GPC6: variants seen among roughly 807,000 people sequenced by gnomAD.
The protein encoded by GPC6 is glypican-6.
In GPC6, 14 loss-of-function variants were observed where a neutral mutation model predicts 55.2. That is an observed-to-expected ratio of 0.25 (90% CI 0.17 to 0.40). GPC6 has a LOEUF of 0.40. GPC6 is among the 10% of genes least tolerant of loss of function. The pLI, the probability that GPC6 is intolerant of heterozygous loss-of-function variation, is 1.00. For missense variants in GPC6, 641 were observed against 708.5 expected (o/e 0.90, Z 1.08); for synonymous variants, 278 against 259.6 (o/e 1.07, Z -0.68).
chr13:94,194,557 T>A (rs1267021259), intron 4 of GPC6, among the ~76,000 whole-genome samples: 1 of 152,078 alleles, frequency 6.6e-6, no homozygotes, highest in African/African-American at 2.4e-5. Flanking sequence ...GCTATGAGGA[T>A]GCAAAGGCAT....
intron 1 of GPC6, among the ~76,000 whole-genome samples, chr13:93,478,149 T>C (rs1383194107): frequency 6.6e-6 from 1 of 152,176 alleles, no homozygotes; most frequent in African/African-American, 2.4e-5. Context: ...CTAGAAATCA[T>C]AGAACAAACT....
rs113960703 is a variant in GPC6 at position 93,241,023 on chromosome 13, AT to A, written c.160+13411del. Among the ~76,000 whole-genome samples the A allele has an allele frequency of 7.8e-3, 1,190 of 152,190 alleles. 10 individuals are homozygous for A. Among genetic ancestry groups the A allele is most frequent in the African/African-American group, 0.027 (1,119 of 41,548 alleles). On this transcript the variant is annotated intron_variant, in intron 1 of 8. Coordinates refer to ENST00000377047, the MANE Select transcript of GPC6 (RefSeq NM_005708.5). ...GGGAAGTCTGCCATTAGTCTGACAGATTTTCCTTTATAAGTTTTGATGCCTT... is the reference window on the plus strand; with the variant it reads ...GGGAAGTCTGCCATTAGTCTGACAGATTTCCTTTATAAGTTTTGATGCCTT...
intron 1 of GPC6, among the ~76,000 whole-genome samples, chr13:93,524,758 T>C (rs1881583370): frequency 6.6e-6 from 1 of 152,104 alleles, no homozygotes; most frequent in Admixed American, 6.6e-5. Flanking sequence ...TGAAATGTAG[T>C]TGGGCTGATG....
chr13:93,626,801 CAAAA>C (rs57272841), intron 2 of GPC6, among the ~76,000 whole-genome samples: 2 of 67,502 alleles, frequency 3.0e-5, no homozygotes. Context: ...GACTGCATCT[CAAAA>C]AAAAAAAAAA....
chr13:94,303,121 C>T (rs1044624824), intron 5 of GPC6, among the ~76,000 whole-genome samples: 3 of 152,138 alleles, frequency 2.0e-5, no homozygotes, highest in African/African-American at 7.2e-5. Flanking sequence ...CAGCTCCAGC[C>T]GTAACAAACA....
intron 3 of GPC6, among the ~76,000 whole-genome samples, chr13:93,896,583 A>G (rs1185968735): frequency 1.3e-5 from 2 of 152,096 alleles, no homozygotes; most frequent in Non-Finnish European, 2.9e-5. Context: ...TAATACGTAA[A>G]TGTTATATTT....
intron 3 of GPC6, among the ~76,000 whole-genome samples, chr13:94,017,979 A>G (rs1253545358): frequency 6.6e-6 from 1 of 152,154 alleles, no homozygotes; most frequent in Non-Finnish European, 1.5e-5. Flanking sequence ...AGCAGTGATG[A>G]AAGCAAGCTT....
chr13:93,294,983 A>G (rs1330260612), intron 1 of GPC6, among the ~76,000 whole-genome samples: 1 of 151,598 alleles, frequency 6.6e-6, no homozygotes, highest in African/African-American at 2.4e-5. Context: ...ATAGAAAAAA[A>G]TTTTAGGTCT....
At position 93,974,614 on chromosome 13, in the gene GPC6, TAAAC is replaced by T. The variant is rs536917762; in HGVS notation, c.712-53112_712-53109del. 3.6e-3 allele frequency among the ~76,000 whole-genome samples: 549 copies of T among 152,292 alleles called. 4 individuals are homozygous for T. The highest frequency in any genetic ancestry group is 6.4e-3 in the Non-Finnish European group (436 of 68,002). ...CTATTTTATTTTTTAATAGAAAAGA[TAAAC>T]AACCTCCTGTAATTAATAGGACGTT... is the stretch of plus-strand genomic sequence containing the variant. On this transcript the variant is annotated intron_variant, in intron 3 of 8. Coordinates refer to ENST00000377047, the MANE Select transcript of GPC6 (RefSeq NM_005708.5).
intron 1 of GPC6, among the ~76,000 whole-genome samples, chr13:93,434,780 C>T (rs1237455679): frequency 6.6e-6 from 1 of 152,154 alleles, no homozygotes; most frequent in Non-Finnish European, 1.5e-5. Context: ...GATCTCAGCT[C>T]ACTGCAATCC....
chr13:93,842,346 A>G (rs937305295), intron 3 of GPC6, among the ~76,000 whole-genome samples: 5 of 152,168 alleles, frequency 3.3e-5, no homozygotes, highest in African/African-American at 9.6e-5. Context: ...GAAGATAACT[A>G]TATAAAATAT....
intron 1 of GPC6, among the ~76,000 whole-genome samples, chr13:93,446,133 C>T (rs1347154169): frequency 6.6e-6 from 1 of 152,092 alleles, no homozygotes; most frequent in Non-Finnish European, 1.5e-5. Flanking sequence ...TTCAATTGTA[C>T]ATATATTTTT....
chr13:94,137,984 A>C (rs1887245497), intron 4 of GPC6, among the ~76,000 whole-genome samples: 1 of 152,248 alleles, frequency 6.6e-6, no homozygotes, highest in Non-Finnish European at 1.5e-5. Context: ...ATTTAAAAAC[A>C]AGAAGCAAAC....
At chr13:93,745,039 C>G (rs1309349786) in intron 2 of GPC6, among the ~76,000 whole-genome samples, 2 of 152,052 alleles carry the variant, frequency 1.3e-5, no homozygotes, top group Non-Finnish European at 2.9e-5. Flanking sequence ...AAAGCCTTCC[C>G]AACTCCAATC....
chr13:93,300,981 T>C (rs933458754), intron 1 of GPC6, among the ~76,000 whole-genome samples: 1 of 151,984 alleles, frequency 6.6e-6, no homozygotes, highest in Non-Finnish European at 1.5e-5. Context: ...ATTGTGCCAT[T>C]GCACTCCGGC....
At chr13:93,873,882 C>A (rs956329153) in intron 3 of GPC6, among the ~76,000 whole-genome samples, 2 of 151,868 alleles carry the variant, frequency 1.3e-5, no homozygotes, top group Admixed American at 1.3e-4. Context: ...ACTGTGCACA[C>A]TCTGACACGT....
intron 3 of GPC6, among the ~76,000 whole-genome samples, chr13:93,921,447 A>G (rs1039609508): frequency 3.3e-5 from 5 of 152,192 alleles, no homozygotes; most frequent in African/African-American, 1.2e-4. Flanking sequence ...GGAGGATAGT[A>G]AATGTAGGGG....
chr13:93,969,278 G>A (rs549459902), intron 3 of GPC6, among the ~76,000 whole-genome samples: 1 of 152,288 alleles, frequency 6.6e-6, no homozygotes, highest in South Asian at 2.1e-4. Context: ...AATACAGAGA[G>A]ATGTGATGGG....
intron 4 of GPC6, among the ~76,000 whole-genome samples, chr13:94,075,451 C>T (rs1328824): frequency 0.19 from 28,412 of 147,770 alleles, 2,799 homozygotes; most frequent in South Asian, 0.26. Flanking sequence ...TGTGTGTGTG[C>T]GCGCTAAGAA....
Sources: gnomAD v4.1 joint callset for allele counts (sites outside exome capture counted in the v4.1 genomes callset) on GRCh38, gnomAD v4.1.1 for gene constraint, MANE v1.5 for transcripts, NCBI Gene and HGNC (gene_info 2026-07-23, HGNC 2026-07-21) for gene names.